The following SEM1 variants were observed in gnomAD, a reference collection of about 807,000 sequenced individuals.
SEM1 encodes SEM1 26S proteasome subunit, also known as 26S proteasome complex subunit SEM1.
A neutral mutation model predicts 12.7 loss-of-function variants in SEM1; 3 were observed. The observed-to-expected ratio is 0.24, with a 90% CI of 0.11 to 0.61. SEM1 has a LOEUF of 0.61. Among genes scored for constraint, SEM1 ranks in the 20% least tolerant of loss-of-function variants. The pLI is 0.88. For synonymous variants in SEM1, 30 were observed against 27.8 expected (o/e 1.08, Z -0.25); for missense variants, 59 against 81.3 (o/e 0.73, Z 1.06).
chr7:96,530,678 G>T (rs142163869), intron 2 of SEM1, among the ~76,000 whole-genome samples: 1 of 152,042 alleles, frequency 6.6e-6, no homozygotes, highest in Admixed American at 6.6e-5. Context: ...AAAACAATTC[G>T]GCGTAGCATT....
intron 2 of SEM1, among the ~76,000 whole-genome samples, chr7:96,603,817 G>C (rs538425764): frequency 1.3e-5 from 2 of 151,628 alleles, no homozygotes; most frequent in African/African-American, 4.8e-5. Flanking sequence ...CTCCCACAGA[G>C]AGATTTCAAA....
intron 2 of SEM1, among the ~76,000 whole-genome samples, chr7:96,587,638 G>A (rs982913787): frequency 3.6e-5 from 5 of 140,048 alleles, no homozygotes; most frequent in East Asian, 4.6e-4. Flanking sequence ...ACTGCATTAC[G>A]ATTAAGACTT....
intron 2 of SEM1, among the ~76,000 whole-genome samples, chr7:96,577,551 G>A (rs1806247099): frequency 6.6e-6 from 1 of 151,928 alleles, no homozygotes; most frequent in Non-Finnish European, 1.5e-5. Context: ...GGATGGGTTT[G>A]GGAAAATGTT....
At chr7:96,669,731 T>C (rs1298373730), downstream of SEM1, among the ~76,000 whole-genome samples, 1 of 152,222 alleles carries the variant, frequency 6.6e-6, no homozygotes, top group Non-Finnish European at 1.5e-5. Context: ...AAAAATATTT[T>C]TATGAACCCA....
chr7:96,580,833 A>C (rs190647178), intron 2 of SEM1, among the ~76,000 whole-genome samples: 1 of 152,116 alleles, frequency 6.6e-6, no homozygotes, highest in African/African-American at 2.4e-5. Flanking sequence ...TTTTTCTCAT[A>C]AATTTGTTTG....
At chr7:96,497,804 G>A (rs1803350972), upstream of SEM1, among the ~76,000 whole-genome samples, 1 of 152,120 alleles carries the variant, frequency 6.6e-6, no homozygotes, top group African/African-American at 2.4e-5. Flanking sequence ...AATGACCAAA[G>A]TATTTCCAGA....
intron 2 of SEM1, among the ~76,000 whole-genome samples, chr7:96,528,198 GGTT>G (rs1804530901): frequency 6.6e-6 from 1 of 151,954 alleles, no homozygotes; most frequent in African/African-American, 2.4e-5. Context: ...AATTTTGTGG[GGTT>G]GTTTTGTTTC....
upstream of SEM1, among the ~76,000 whole-genome samples, chr7:96,498,672 A>C (rs1803390334): frequency 6.6e-6 from 1 of 152,150 alleles, no homozygotes; most frequent in Admixed American, 6.6e-5. Flanking sequence ...TATTAGCTAA[A>C]GTTTGTCAAA....
At chr7:96,491,902 A>G (rs187625362) in intron 1 of SEM1, among the ~76,000 whole-genome samples, 216 of 152,318 alleles carry the variant, frequency 1.4e-3, no homozygotes, top group African/African-American at 5.1e-3. Flanking sequence ...TTTAGTTCTC[A>G]TCATTGCACC....
At chr7:96,514,617 C>A (rs372645877) in intron 2 of SEM1, among the ~76,000 whole-genome samples, 1 of 151,866 alleles carries the variant, frequency 6.6e-6, no homozygotes, top group Non-Finnish European at 1.5e-5. Context: ...ATACCAGCAA[C>A]GAACAAGTAA....
downstream of SEM1, among the ~76,000 whole-genome samples, chr7:96,687,230 A>T (rs1789787888): frequency 6.6e-6 from 1 of 152,212 alleles, no homozygotes; most frequent in Non-Finnish European, 1.5e-5. Context: ...CAGTGTGGCG[A>T]TTCCTCAGGG....
intron 2 of SEM1, chr7:96,650,645 A>C (rs746994866): frequency 3.1e-6 from 2 of 636,528 alleles, no homozygotes; most frequent in Non-Finnish European, 5.6e-6. Context: ...CCAAGTTCCA[A>C]ATTTAAACAC....
chr7:96,546,094 AG>A (rs1205936719), intron 2 of SEM1, among the ~76,000 whole-genome samples: 1 of 152,042 alleles, frequency 6.6e-6, no homozygotes, highest in Non-Finnish European at 1.5e-5. Flanking sequence ...TTTCTTGGAG[AG>A]GGGGTTGCTT....
chr7:96,489,724 T>C (rs1470957446), intron 1 of SEM1, among the ~76,000 whole-genome samples: 1 of 152,178 alleles, frequency 6.6e-6, no homozygotes, highest in Non-Finnish European at 1.5e-5. Flanking sequence ...GGGGGCTGAT[T>C]GTAGCTCCAG....
chr7:96,673,499 T>C, exon 3 of SEM1: 2 of 435,582 alleles, frequency 4.6e-6, no homozygotes, highest in Non-Finnish European at 8.4e-6. Context: ...TAAGCCCCTG[T>C]TATGTAGCTA....
intron 2 of SEM1, among the ~76,000 whole-genome samples, chr7:96,591,834 A>C (rs1806839070): frequency 1.4e-5 from 2 of 147,094 alleles, no homozygotes; most frequent in East Asian, 2.0e-4. Context: ...TTTTCCTTTC[A>C]AAACAACAGA....
Position 96,588,353 on chromosome 7 carries a change from AACAC to A in SEM1, c.171-81659_171-81656del, listed in dbSNP as rs56655484. On this transcript the variant is annotated intron_variant and NMD_transcript_variant, in intron 2 of 3. Transcript: ENST00000466986. ...CAGAGCAAGATCATGTCTAAAAACA[AACAC>A]ACACACACACACACACACACACACA... 4.0e-3 allele frequency among the ~76,000 whole-genome samples: 559 copies of A among 141,028 alleles called. 7 individuals carry two copies. The highest frequency in any genetic ancestry group is 0.015 in the African/African-American group (538 of 36,992). The allele number at this position is 141,028 out of a possible 152,430, so 92.5% of individuals were successfully genotyped here.
At chr7:96,550,627 T>C (rs1411916261) in intron 2 of SEM1, among the ~76,000 whole-genome samples, 3 of 152,116 alleles carry the variant, frequency 2.0e-5, no homozygotes, top group African/African-American at 7.2e-5. Context: ...AGTCCAAAAT[T>C]TACAAATTAT....
chr7:96,683,271 C>T (rs1418344208), intron 2 of SEM1, among the ~76,000 whole-genome samples: 1 of 151,614 alleles, frequency 6.6e-6, no homozygotes, highest in African/African-American at 2.4e-5. Flanking sequence ...AGCCAACAAA[C>T]ATATTTAAAA....
Sources: gnomAD v4.1 joint callset for allele counts (sites outside exome capture counted in the v4.1 genomes callset) on GRCh38, gnomAD v4.1.1 for gene constraint, MANE v1.5 for transcripts, NCBI Gene and HGNC (gene_info 2026-07-23, HGNC 2026-07-21) for gene names.